Variants in STK3 observed in about 807,000 individuals in gnomAD.
The protein encoded by STK3 is serine/threonine kinase 3.
A neutral mutation model predicts 58.0 loss-of-function variants in STK3; 41 were observed. The ratio of observed to expected loss-of-function variants is 0.71; its 90% CI spans 0.55 to 0.92. The LOEUF is 0.92. Among genes scored for constraint, STK3 ranks in the 40% least tolerant of loss-of-function variants. The pLI, the probability that STK3 is intolerant of heterozygous loss-of-function variation, is 0.00. For missense variants in STK3, 479 were observed against 602.7 expected, an observed-to-expected ratio of 0.79 and a Z score of 2.15; for synonymous variants, 170 against 191.0, an observed-to-expected ratio of 0.89 and a Z score of 0.91.
chr8:98,526,960 T>C (rs1825789836), intron 9 of STK3, 43 bp from the exon 10 acceptor site: 6 of 1,372,206 alleles, frequency 4.4e-6, no homozygotes, highest in Non-Finnish European at 5.7e-6. Flanking sequence ...AGTTCTTACA[T>C]TTAAGGAAGT....
intron 8 of STK3, among the ~76,000 whole-genome samples, chr8:98,579,409 CAG>C (rs1813676367): frequency 6.6e-6 from 1 of 151,994 alleles, no homozygotes; most frequent in African/African-American, 2.4e-5. Context: ...TTAACAAACC[CAG>C]AGTTAGTATC....
rs536089762 is a variant in STK3 at position 98,737,759 on chromosome 8, C to A, written c.351+11517G>T. Among the ~76,000 whole-genome samples, 527 of 152,176 alleles carry A rather than the reference C, an allele frequency of 3.5e-3. 4 individuals carry two copies. Among genetic ancestry groups the A allele is most frequent in the African/African-American group, 0.012 (503 of 41,516 alleles). ...GTTTCACTCTTTCGCCTAGGCTAGACTGCAGTGGCGCAATCTCAGCTCATT... is the reference window on the plus strand; with the variant it reads ...GTTTCACTCTTTCGCCTAGGCTAGAATGCAGTGGCGCAATCTCAGCTCATT... On this transcript the variant is annotated intron_variant, in intron 4 of 10. Coordinates refer to ENST00000419617, the MANE Select transcript of STK3 (RefSeq NM_006281.4).
At chr8:98,589,416 C>G (rs1563775301) in intron 7 of STK3, among the ~76,000 whole-genome samples, 1 of 152,254 alleles carries the variant, frequency 6.6e-6, no homozygotes, top group Admixed American at 6.5e-5. Flanking sequence ...GCCCGGGGGT[C>G]AGGGGTCATG....
chr8:98,426,106 T>C (rs925051950), intron 3 of STK3, among the ~76,000 whole-genome samples: 1 of 152,022 alleles, frequency 6.6e-6, no homozygotes, highest in Non-Finnish European at 1.5e-5. Context: ...CCTGAGCACA[T>C]CTACCAGTCC....
Position 98,718,566 on chromosome 8 carries a change from G to A in STK3, c.352-11255C>T, listed in dbSNP as rs546860244. Among the ~76,000 whole-genome samples the A allele has an allele frequency of 2.2e-4, 33 of 152,064 alleles. 1 individual carries two copies. In the South Asian group the frequency reaches 6.9e-3, roughly 32 times the overall value. On this transcript the variant is annotated intron_variant, in intron 4 of 10. Coordinates refer to ENST00000419617, the MANE Select transcript of STK3 (RefSeq NM_006281.4). Reference sequence around the variant, plus strand: ...ATGGCTCCTAAACATTTGAAACGTGGGTATTCTAATTTCAGTTATGCTATA... The same window carrying A: ...ATGGCTCCTAAACATTTGAAACGTGAGTATTCTAATTTCAGTTATGCTATA...
intron 6 of STK3, among the ~76,000 whole-genome samples, chr8:98,618,266 C>G (rs1270289427): frequency 1.3e-5 from 2 of 148,612 alleles, no homozygotes; most frequent in Non-Finnish European, 3.0e-5. Context: ...TTCAACAACC[C>G]TTCATGCTAA....
At chr8:98,685,796 G>A (rs185456263) in intron 6 of STK3, among the ~76,000 whole-genome samples, 17 of 151,938 alleles carry the variant, frequency 1.1e-4, no homozygotes, top group Admixed American at 1.0e-3. Context: ...GGTAGAGAGG[G>A]GGGTGAGGGG....
At chr8:98,390,696 G>A (rs1007204415), upstream of STK3, among the ~76,000 whole-genome samples, 2 of 151,806 alleles carry the variant, frequency 1.3e-5, no homozygotes, top group South Asian at 4.2e-4. Flanking sequence ...ACTTTTTGGT[G>A]CTGTGTGATA....
intron 2 of STK3, among the ~76,000 whole-genome samples, chr8:98,373,176 C>G (rs1007276532): frequency 1.3e-5 from 2 of 152,120 alleles, no homozygotes; most frequent in Non-Finnish European, 1.5e-5. Flanking sequence ...AGTTATTATT[C>G]TTGCTTTTTT....
chr8:98,484,735 A>C lies in STK3; in HGVS notation c.1318-28735T>G, dbSNP rs535646772. 3.9e-5 allele frequency among the ~76,000 whole-genome samples: 6 copies of C among 152,170 alleles called. 1 individual carries two copies. The Middle Eastern group carries it at 0.02, about 518-fold the overall frequency. On this transcript the variant is annotated intron_variant, in intron 10 of 10. Transcript: ENST00000419617. ...GTGCAGTTAATAAGGATTAGAAAATACTATATATAATAGAAAATATAAGAT... is the reference window on the plus strand; with the variant it reads ...GTGCAGTTAATAAGGATTAGAAAATCCTATATATAATAGAAAATATAAGAT...
chr8:98,800,979 A>G lies in STK3; in HGVS notation c.26+24536T>C, dbSNP rs1035002157. 6.6e-6 allele frequency among the ~76,000 whole-genome samples: 1 copy of G among 152,234 alleles called. No individual in the cohort carries two copies. Among genetic ancestry groups the G allele is most frequent in the African/African-American group, 2.4e-5 (1 of 41,476 alleles). On this transcript the variant is annotated intron_variant, in intron 1 of 10. Coordinates refer to ENST00000419617, the MANE Select transcript of STK3 (RefSeq NM_006281.4). This position sits in a 1 kb window ranked among gnomAD's most constrained non-coding sequence, Gnocchi z 4.8. ...CAAGGGCTGAGGAGTGCAGGCGCAC[A>G]GTGCGGGACTGGCAGGCAGCTCCAC...
intron 10 of STK3, among the ~76,000 whole-genome samples, chr8:98,490,761 A>G (rs1206560919): frequency 6.6e-6 from 1 of 152,210 alleles, no homozygotes; most frequent in Non-Finnish European, 1.5e-5. Context: ...TACAAGTCAG[A>G]AATTCCCTGT....
In STK3 at chr8:98,408,173, A is replaced by G. The variant is rs187113828; in HGVS notation, n.484-6660T>C. Among the ~76,000 whole-genome samples the G allele has an allele frequency of 5.4e-3, 824 of 152,226 alleles. 8 individuals carry two copies. The highest frequency in any genetic ancestry group is 8.1e-3 in the Non-Finnish European group (553 of 68,006). ...TTAAGAACCTCAATTGGCCATTTGG[A>G]AAAAGGGGGTAGTTTGGAGTTGCAG... is the stretch of plus-strand genomic sequence containing the variant. On this transcript the variant is annotated intron_variant and non_coding_transcript_variant, in intron 3 of 3. Coordinates refer to the STK3 transcript ENST00000517832.
At chr8:98,881,748 T>C (rs544910717), downstream of STK3, 19 of 152,184 alleles carry the variant, frequency 1.2e-4, no homozygotes, top group Admixed American at 2.0e-4. Context: ...AAATATATGA[T>C]CAAAATTTCC....
chr8:98,613,953 G>C (rs1435624979), intron 6 of STK3, among the ~76,000 whole-genome samples: 1 of 151,496 alleles, frequency 6.6e-6, no homozygotes, highest in East Asian at 1.9e-4. Flanking sequence ...AGACAGAGAG[G>C]GACATTACAT....
intron 7 of STK3, among the ~76,000 whole-genome samples, chr8:98,582,772 A>C (rs193052063): frequency 6.6e-6 from 1 of 152,266 alleles, no homozygotes; most frequent in East Asian, 1.9e-4. Context: ...AAAAGATGTA[A>C]TTTGTTTATT....
chr8:98,529,466 T>C (rs904748201), intron 9 of STK3, among the ~76,000 whole-genome samples: 3 of 152,230 alleles, frequency 2.0e-5, no homozygotes, highest in African/African-American at 7.2e-5. Context: ...TTCTGTCTCA[T>C]TGCCTTAAAA....
chr8:98,501,567 G>T (rs563361785), intron 10 of STK3, among the ~76,000 whole-genome samples: 1 of 152,246 alleles, frequency 6.6e-6, no homozygotes, highest in African/African-American at 2.4e-5. Context: ...AATCCATCTT[G>T]AATTAACTTT....
At position 98,619,742 on chromosome 8, in the gene STK3, A is replaced by T. The variant is rs1818099030; in HGVS notation, c.685-23573T>A. On this transcript the variant is annotated intron_variant, in intron 6 of 10. Coordinates refer to ENST00000419617, the MANE Select transcript of STK3 (RefSeq NM_006281.4). ...GCTCATCATCACTGGCCATCAGAGAAATGCAAATCAAAACCACAGTGAGAT... is the reference window on the plus strand; with the variant it reads ...GCTCATCATCACTGGCCATCAGAGATATGCAAATCAAAACCACAGTGAGAT... Among the ~76,000 whole-genome samples, 3 of 147,356 alleles carry T rather than the reference A, an allele frequency of 2.0e-5. No individual in the cohort carries two copies. The Admixed American group carries it at 2.0e-4, about 10-fold the overall frequency.
Sources: allele counts gnomAD v4.1 joint callset (sites outside exome capture counted in the v4.1 genomes callset), GRCh38; gene constraint gnomAD v4.1.1; non-coding constraint Gnocchi (gnomAD v3.1); transcripts MANE v1.5; gene names NCBI Gene and HGNC (gene_info 2026-07-23, HGNC 2026-07-21).